Variants in ALDH1L2 observed in about 807,000 individuals in gnomAD.
The protein encoded by ALDH1L2 is mitochondrial 10-formyltetrahydrofolate dehydrogenase.
ALDH1L2 carries 91 observed loss-of-function variants against 111.0 expected under a neutral mutation model. That is an observed-to-expected ratio of 0.82 (90% CI 0.69 to 0.98). ALDH1L2 has a LOEUF of 0.98. Among genes scored for constraint, ALDH1L2 ranks in the 50% least tolerant of loss-of-function variants. The pLI is 0.00. For synonymous variants in ALDH1L2, 374 were observed against 392.6 expected, an observed-to-expected ratio of 0.95 and a Z score of 0.56; for missense variants, 995 against 1,126.8, an observed-to-expected ratio of 0.88 and a Z score of 1.67.
chr12:105,058,321 T>C lies in ALDH1L2; in HGVS notation c.1140-101A>G, dbSNP rs1026680664. 3.3e-6 allele frequency: 4 copies of C among 1,209,638 alleles called. No homozygotes were observed. In the African/African-American group the frequency reaches 6.2e-5, roughly 19 times the overall value. The allele number at this position is 1,209,638 out of a possible 1,614,324, so 74.9% of individuals were successfully genotyped here. The stretch of plus-strand genomic sequence containing the variant: ...AAGTTGTTTTGAGGTAAGACTTACA[T>C]CACATGCCTATTTATATCCTATGAG... On this transcript the variant is annotated intron_variant, in intron 9 of 22. Coordinates refer to ENST00000258494, the MANE Select transcript of ALDH1L2 (RefSeq NM_001034173.4).
At chr12:105,077,363 C>G (rs987124128) in intron 1 of ALDH1L2, among the ~76,000 whole-genome samples, 3 of 151,798 alleles carry the variant, frequency 2.0e-5, no homozygotes, top group Non-Finnish European at 2.9e-5. Flanking sequence ...CTCCGCCTTC[C>G]GGGTTCAAGC....
intron 18 of ALDH1L2, among the ~76,000 whole-genome samples, chr12:105,034,802 A>G (rs1459680209): frequency 6.6e-6 from 1 of 152,000 alleles, no homozygotes; most frequent in Non-Finnish European, 1.5e-5. Flanking sequence ...TGGCCAACAC[A>G]GTGAAACCCC....
rs1565951599 is a variant in ALDH1L2 at position 105,036,125 on chromosome 12, A to AATATATACGTATAT, written c.2146-1728_2146-1727insATATACGTATATAT. On this transcript the variant is annotated intron_variant, in intron 18 of 22. Transcript: ENST00000258494. Reference sequence around the variant, plus strand: ...CGTATATTTATATATGTGTATATATATTATATATATACGTATATTTATATA... The same window carrying AATATATACGTATAT: ...CGTATATTTATATATGTGTATATATAATATATACGTATATTTATATATATACGTATATTTATATA... 7.4e-3 allele frequency among the ~76,000 whole-genome samples: 368 copies of AATATATACGTATAT among 49,624 alleles called. 68 individuals carry two copies. Among genetic ancestry groups the AATATATACGTATAT allele is most frequent in the Non-Finnish European group, 8.7e-3 (282 of 32,502 alleles). The allele number at this position is 49,624 out of a possible 152,430, so 32.6% of individuals were successfully genotyped here. A position where few individuals can be genotyped will look rare whatever the true frequency, so the allele number is the denominator to read the frequency against.
At chr12:105,071,824 C>T (rs531964778) in intron 2 of ALDH1L2, among the ~76,000 whole-genome samples, 1 of 149,964 alleles carries the variant, frequency 6.7e-6, no homozygotes, top group African/African-American at 2.4e-5. Flanking sequence ...CAGTGGCTCA[C>T]ACCTGTAATC....
intron 6 of ALDH1L2, 123 bp downstream of exon 6, chr12:105,065,144 A>T: frequency 1.8e-6 from 1 of 552,544 alleles, no homozygotes; most frequent in Non-Finnish European, 3.3e-6. Flanking sequence ...TAAAGGGGAG[A>T]GTGAATCACA....
At chr12:105,041,081 C>T (rs1353370550) in intron 15 of ALDH1L2, among the ~76,000 whole-genome samples, 4 of 152,120 alleles carry the variant, frequency 2.6e-5, no homozygotes, top group African/African-American at 4.8e-5. Flanking sequence ...TTTACATAAC[C>T]ATAGTACAAT....
intron 10 of ALDH1L2, among the ~76,000 whole-genome samples, 199 bp downstream of exon 10, chr12:105,057,874 C>T (rs1876731815): frequency 6.6e-6 from 1 of 152,104 alleles, no homozygotes; most frequent in African/African-American, 2.4e-5. Context: ...ATAATAATTG[C>T]ACAACCCTGT....
At chr12:105,048,575 A>G (rs534710519) in intron 13 of ALDH1L2, 78 of 152,300 alleles carry the variant, frequency 5.1e-4, no homozygotes, top group African/African-American at 1.6e-3. Context: ...AGGAACATGC[A>G]TACTGCAGTT....
chr12:105,060,679 C>G (rs904184846), intron 9 of ALDH1L2: 1 of 203,452 alleles, frequency 4.9e-6, no homozygotes, highest in Non-Finnish European at 1.0e-5. Context: ...ACAAAATTAG[C>G]TGGGCGTGGT....
chr12:105,051,826 A>G (rs1876288217), intron 12 of ALDH1L2, among the ~76,000 whole-genome samples: 1 of 144,328 alleles, frequency 6.9e-6, no homozygotes, highest in South Asian at 2.2e-4. Flanking sequence ...GCTTTCTAGC[A>G]CAGGCTGGAG....
At chr12:105,025,339 G>C (rs996440859) in intron 22 of ALDH1L2, among the ~76,000 whole-genome samples, 4 of 152,162 alleles carry the variant, frequency 2.6e-5, no homozygotes, top group African/African-American at 9.7e-5. Flanking sequence ...GACAACCACT[G>C]GGCTAAGGGG....
At chr12:105,039,317 TAA>T (rs11316153) in intron 17 of ALDH1L2, among the ~76,000 whole-genome samples, 12 of 151,862 alleles carry the variant, frequency 7.9e-5, no homozygotes, top group Admixed American at 2.6e-4. Context: ...GCTTACAGCT[TAA>T]AAAAAAATTG....
intron 3 of ALDH1L2, among the ~76,000 whole-genome samples, chr12:105,069,200 T>G (rs10861343): frequency 0.67 from 102,482 of 152,000 alleles, 34,568 homozygotes; most frequent in Middle Eastern, 0.82. Context: ...GTTTTCTACT[T>G]CAAGATCAAG....
intron 9 of ALDH1L2, chr12:105,060,358 A>T (rs1160589737): frequency 1.3e-5 from 2 of 152,170 alleles, no homozygotes; most frequent in Non-Finnish European, 2.9e-5. Flanking sequence ...GTCATATTGG[A>T]GGAAAATTAG....
At chr12:105,077,739 T>TA (rs543463878) in intron 1 of ALDH1L2, among the ~76,000 whole-genome samples, 24,553 of 115,326 alleles carry the variant, frequency 0.21, 2,582 homozygotes, top group African/African-American at 0.3. Flanking sequence ...CTCCAAGAAT[T>TA]AAAAAAAAAA....
In ALDH1L2 at chr12:105,084,457, C is replaced by G; in HGVS notation, c.-21G>C. On this transcript the variant is annotated 5_prime_UTR_variant, in exon 1 of 23. Transcript: ENST00000258494. ...AGCATGCTGGAGAGGAGCGCTAGCA[C>G]TGGCGACGCGGCAGCGCGGGAGGCA... The G allele has an allele frequency of 1.4e-6, 2 of 1,416,566 alleles. No homozygotes were observed. The highest frequency in any genetic ancestry group is 6.3e-5 in the Admixed American group (2 of 31,744). The allele number at this position is 1,416,566 out of a possible 1,614,324, so 87.7% of individuals were successfully genotyped here.
intron 16 of ALDH1L2, 30 bp downstream of exon 16, chr12:105,040,577 T>C (rs763317149): frequency 6.2e-7 from 1 of 1,605,996 alleles, no homozygotes; most frequent in East Asian, 2.2e-5. Context: ...ATTCATTAGT[T>C]ATAGCACAGT....
intron 1 of ALDH1L2, among the ~76,000 whole-genome samples, chr12:105,079,117 C>T (rs982061387): frequency 2.0e-5 from 3 of 152,138 alleles, no homozygotes; most frequent in African/African-American, 4.8e-5. Context: ...GAACTAGCTC[C>T]GGGTAGACAC....
At position 105,058,127 on chromosome 12, in the gene ALDH1L2, C is replaced by T. The variant is rs771506611; in HGVS notation, c.1233G>A (p.Lys411=). The change falls in exon 10 of 23, where the codon AAG becomes AAA. Residue 411 remains lysine (K), a synonymous_variant. Coordinates refer to ENST00000258494, the MANE Select transcript of ALDH1L2 (RefSeq NM_001034173.4). ...MATKFEGFIQ[K]VVRKLRGEDQ... ...CTTCTCCTCTCAGTTTCCTCACGAC[C>T]TTTTGGATAAAGCCTTCAAACTTGG... 6.2e-7 allele frequency: 1 copy of T among 1,613,658 alleles called. No individual in the cohort carries two copies. Among genetic ancestry groups the T allele is most frequent in the Non-Finnish European group, 8.5e-7 (1 of 1,179,864 alleles).
Sources: gnomAD v4.1 joint callset for allele counts (sites outside exome capture counted in the v4.1 genomes callset) on GRCh38, gnomAD v4.1.1 for gene constraint, MANE v1.5 for transcripts, NCBI Gene and HGNC (gene_info 2026-07-23, HGNC 2026-07-21) for gene names.